MEF2A: variants seen among roughly 807,000 people sequenced by gnomAD.
MEF2A encodes the protein myocyte-specific enhancer factor 2A.
A neutral mutation model predicts 55.8 loss-of-function variants in MEF2A; 28 were observed. The ratio of observed to expected loss-of-function variants is 0.50; its 90% CI spans 0.37 to 0.69. The LOEUF is 0.69. Ranked by LOEUF, MEF2A falls within the 30% of genes least tolerant of loss-of-function variation. The probability of loss-of-function intolerance (pLI) is 0.00; values close to 1 mark genes in which losing one functional copy is unlikely to be tolerated. For missense variants in MEF2A, 528 were observed against 626.2 expected (o/e 0.84, Z 1.67); for synonymous variants, 239 against 227.1 (o/e 1.05, Z -0.47).
rs767537752 is a variant in MEF2A at position 99,706,712 on chromosome 15, CT to C, written c.883-11del. ...AATACCACATCAGAACACATTTTCT[CT>C]TTTTTGATCTCACAGAATACCCAGA... On this transcript the variant is annotated splice_polypyrimidine_tract_variant and intron_variant, in intron 9 of 11. Coordinates refer to ENST00000557942, the MANE Select transcript of MEF2A (RefSeq NM_001319206.4). The C allele has an allele frequency of 1.2e-6, 2 of 1,610,004 alleles. No individual in the cohort carries two copies. The highest frequency in any genetic ancestry group is 1.1e-5 in the South Asian group (1 of 90,970).
chr15:99,688,688 T>C (rs777699985), intron 7 of MEF2A, among the ~76,000 whole-genome samples: 1 of 151,962 alleles, frequency 6.6e-6, no homozygotes, highest in East Asian at 1.9e-4. Context: ...ACCCAGGAGG[T>C]GGAGCTTGCA....
chr15:99,682,788 T>C (rs1181472088), intron 7 of MEF2A, among the ~76,000 whole-genome samples: 1 of 152,206 alleles, frequency 6.6e-6, no homozygotes, highest in Non-Finnish European at 1.5e-5. Flanking sequence ...CATGGGAAAA[T>C]AGTATTTGTG....
intron 1 of MEF2A, among the ~76,000 whole-genome samples, chr15:99,584,577 C>T (rs925513547): frequency 6.6e-6 from 1 of 152,148 alleles, no homozygotes; most frequent in Non-Finnish European, 1.5e-5. Context: ...AAGCCAGCCA[C>T]AAAAGACCAC....
At chr15:99,690,543 T>G (rs953721113) in intron 8 of MEF2A, 115 bp downstream of exon 8, 7 of 882,054 alleles carry the variant, frequency 7.9e-6, no homozygotes, top group Non-Finnish European at 1.1e-5. Context: ...CTATTCCTAA[T>G]AAATATTTCC....
chr15:99,674,333 A>G (rs1196347218), intron 5 of MEF2A, 60 bp from the exon 6 acceptor site: 1 of 1,473,606 alleles, frequency 6.8e-7, no homozygotes, highest in African/African-American at 1.4e-5. Flanking sequence ...AAAGTTCAAA[A>G]GTTACTTTGT....
At chr15:99,699,740 A>T (rs1182291599) in intron 8 of MEF2A, among the ~76,000 whole-genome samples, 2 of 152,286 alleles carry the variant, frequency 1.3e-5, no homozygotes, top group East Asian at 3.9e-4. Flanking sequence ...TGTGCTCTAG[A>T]TGGTAAATTC....
At chr15:99,632,280 A>G (rs1007128272) in intron 2 of MEF2A, among the ~76,000 whole-genome samples, 1 of 152,202 alleles carries the variant, frequency 6.6e-6, no homozygotes, top group Admixed American at 6.5e-5. Flanking sequence ...CTTGACTGAT[A>G]AGGAGGTGTT....
intron 7 of MEF2A, among the ~76,000 whole-genome samples, chr15:99,687,342 C>T (rs186472430): frequency 1.1e-4 from 17 of 152,138 alleles, no homozygotes; most frequent in Admixed American, 9.2e-4. Flanking sequence ...AGTCCTTGCA[C>T]GTGTATTAAT....
At chr15:99,659,469 C>T (rs1411335369) in intron 4 of MEF2A, among the ~76,000 whole-genome samples, 1 of 152,140 alleles carries the variant, frequency 6.6e-6, no homozygotes, top group Non-Finnish European at 1.5e-5. Context: ...CCTACAACCA[C>T]CACATACACA....
chr15:99,682,203 T>A (rs940378866), intron 7 of MEF2A, among the ~76,000 whole-genome samples: 1 of 152,228 alleles, frequency 6.6e-6, no homozygotes, highest in African/African-American at 2.4e-5. Flanking sequence ...ATGTGATTTA[T>A]ATTTTGAAAT....
chr15:99,642,969 T>G lies in MEF2A; in HGVS notation c.55-2592T>G, dbSNP rs2045296368. Reference sequence around the variant, plus strand: ...GTATGTGTCCATGTTTTTAGAGGAGTAGAGAGGAGTAAACATGACTTTATT... The same window carrying G: ...GTATGTGTCCATGTTTTTAGAGGAGGAGAGAGGAGTAAACATGACTTTATT... On this transcript the variant is annotated intron_variant, in intron 3 of 11. Transcript: ENST00000557942. Among the ~76,000 whole-genome samples, 3 of 152,264 alleles carry G rather than the reference T, an allele frequency of 2.0e-5. No homozygotes were observed. The South Asian group carries it at 6.2e-4, about 32-fold the overall frequency.
chr15:99,567,978 A>G (rs889389872), intron 1 of MEF2A, among the ~76,000 whole-genome samples: 38 of 152,340 alleles, frequency 2.5e-4, no homozygotes, highest in Non-Finnish European at 4.1e-4. Context: ...CTAGATTAAC[A>G]GTTTTGTTGA....
chr15:99,697,831 A>G (rs775031783), intron 8 of MEF2A, among the ~76,000 whole-genome samples: 1 of 152,342 alleles, frequency 6.6e-6, no homozygotes, highest in African/African-American at 2.4e-5. Flanking sequence ...AAGACCTACT[A>G]CAAAGCTATA....
intron 1 of MEF2A, among the ~76,000 whole-genome samples, chr15:99,587,641 G>A (rs969902241): frequency 1.3e-5 from 2 of 152,066 alleles, no homozygotes; most frequent in Non-Finnish European, 2.9e-5. Context: ...CTAGTATTCA[G>A]AATGTTAGTC....
At position 99,710,730 on chromosome 15, in the gene MEF2A, A is replaced by G; in HGVS notation, c.1106A>G (p.His369Arg). The G allele has an allele frequency of 4.3e-6, 7 of 1,611,950 alleles. No homozygotes were observed. The highest frequency in any genetic ancestry group is 5.9e-6 in the Non-Finnish European group (7 of 1,178,218). ...LGQVSAWQQH[H>R]LGQAALSSLV... ...CAGGTGTCGGCCTGGCAGCAGCACC[A>G]CCTAGGACAAGCAGCCCTCAGCTCT... The change falls in exon 11 of 12, where the codon CAC becomes CGC. Residue 369 changes from histidine (H) to arginine (R), a missense_variant. By Grantham distance (29) the His-to-Arg change is conservative. Transcript: ENST00000557942.
At chr15:99,695,420 A>G (rs985553749) in intron 8 of MEF2A, among the ~76,000 whole-genome samples, 4 of 152,242 alleles carry the variant, frequency 2.6e-5, no homozygotes, top group African/African-American at 9.6e-5. Context: ...ATGCTCTACT[A>G]AGTAGCCCAA....
chr15:99,602,653 GGT>G (rs773502316), intron 2 of MEF2A, among the ~76,000 whole-genome samples: 1,905 of 44,654 alleles, frequency 0.043, 42 homozygotes, highest in African/African-American at 0.064. Context: ...ACATTCCTGG[GGT>G]GTGTGTGTGT....
Position 99,687,389 on chromosome 15 carries a change from C to T in MEF2A, c.671-2852C>T, listed in dbSNP as rs529070724. Among the ~76,000 whole-genome samples, 23 of 152,090 alleles carry T rather than the reference C, an allele frequency of 1.5e-4. No homozygotes were observed. In the South Asian group the frequency reaches 2.5e-3, roughly 16 times the overall value. On this transcript the variant is annotated intron_variant, in intron 7 of 11. Transcript: ENST00000557942. ...TGGGTGTGTGTGTGTATTTGTAACA[C>T]CTAGTGTCTGCTTATTTTTCGTGAA... is the stretch of plus-strand genomic sequence containing the variant.
In MEF2A at chr15:99,712,479, G is replaced by T; in HGVS notation, c.1226G>T (p.Arg409Leu). 1 of 1,551,396 alleles carries T rather than the reference G, an allele frequency of 6.4e-7. No individual in the cohort carries two copies. Among genetic ancestry groups the T allele is most frequent in the Non-Finnish European group, 8.7e-7 (1 of 1,146,940 alleles). Residue 409 changes from arginine (R) to leucine (L), a missense_variant, in exon 12 of 12, where the codon CGG (arginine) becomes CTG (leucine). By Grantham distance (102) the Arg-to-Leu change is moderately radical. This residue lies in a region of MEF2A where 450 missense variants were observed against 475.3 expected (regional missense o/e 0.95). Coordinates refer to ENST00000557942, the MANE Select transcript of MEF2A (RefSeq NM_001319206.4). The surrounding 1 kb of genome is among the most constrained non-coding windows in gnomAD (Gnocchi z 4.1). Reference sequence around the variant, plus strand: ...AAGTCCGAACCGATTTCACCTCCTCGGGATCGTATGACCCCATCGGGCTTC... The same window carrying T: ...AAGTCCGAACCGATTTCACCTCCTCTGGATCGTATGACCCCATCGGGCTTC... ...SIKSEPISPP[R>L]DRMTPSGFQQ... is the part of the protein sequence containing the mutation.
Sources: gnomAD v4.1 joint callset for allele counts (sites outside exome capture counted in the v4.1 genomes callset) on GRCh38, gnomAD v4.1.1 for gene constraint, gnomAD v4.1.1 regional missense constraint, Gnocchi (gnomAD v3.1) non-coding constraint, MANE v1.5 for transcripts, NCBI Gene and HGNC (gene_info 2026-07-23, HGNC 2026-07-21) for gene names.